MTA1: variants seen among roughly 807,000 people sequenced by gnomAD.
The protein encoded by MTA1 is metastasis-associated protein MTA1.
Under a neutral mutation model 97.0 loss-of-function variants are expected in MTA1, and 15 were observed. The ratio of observed to expected loss-of-function variants is 0.15; its 90% CI spans 0.10 to 0.24. The LOEUF (loss-of-function observed/expected upper bound fraction) is 0.24. MTA1 is among the 10% of genes least tolerant of loss of function. The pLI, the probability that MTA1 is intolerant of heterozygous loss-of-function variation, is 1.00. For synonymous variants in MTA1, 435 were observed against 417.5 expected (o/e 1.04, Z -0.51); for missense variants, 709 against 1,015.1 (o/e 0.70, Z 4.10).
chr14:105,449,686 C>G (rs1789649667), intron 4 of MTA1, among the ~76,000 whole-genome samples: 1 of 152,178 alleles, frequency 6.6e-6, no homozygotes, highest in African/African-American at 2.4e-5. Flanking sequence ...GGCGGCTGCC[C>G]CTCGCCCTCC....
rs587672354 is a variant in MTA1, at chr14:105,428,913, T to C, written c.28+8850T>C. 1.7e-4 allele frequency among the ~76,000 whole-genome samples: 26 copies of C among 152,122 alleles called. No individual in the cohort carries two copies. The South Asian group carries it at 5.4e-3, about 32-fold the overall frequency. On this transcript the variant is annotated intron_variant, in intron 1 of 20. Coordinates refer to ENST00000331320, the MANE Select transcript of MTA1 (RefSeq NM_004689.4). ...CTAGTTTTATTTATTTTTGTAGAGA[T>C]GGGGTCTCACTATGTTGCCCACACT...
At chr14:105,469,394 A>C (rs1287146312) in intron 18 of MTA1, 73 bp from the exon 19 acceptor site, 6 of 1,536,982 alleles carry the variant, frequency 3.9e-6, no homozygotes, top group Non-Finnish European at 5.4e-6. Flanking sequence ...AAGGTGGCTG[A>C]GGCCGTGGTG....
At chr14:105,468,466 C>G in intron 18 of MTA1, 2 of 985,066 alleles carry the variant, frequency 2.0e-6, no homozygotes, top group Non-Finnish European at 2.8e-6. Context: ...CCTGGGCCCC[C>G]ACCTGACCCT....
intron 18 of MTA1, 82 bp downstream of exon 18, chr14:105,466,824 G>A (rs957322723): frequency 1.4e-6 from 2 of 1,427,578 alleles, no homozygotes; most frequent in African/African-American, 1.4e-5. Context: ...CCCCGCGGCG[G>A]GCGGCCCAGG....
intron 3 of MTA1, 120 bp downstream of exon 3, chr14:105,445,631 A>T (rs2082692360): frequency 9.9e-7 from 1 of 1,006,316 alleles, no homozygotes; most frequent in Admixed American, 2.0e-5. Flanking sequence ...CCCTCTGCCC[A>T]ACTCACTCTG....
At chr14:105,435,544 T>A (rs2082302588) in intron 1 of MTA1, among the ~76,000 whole-genome samples, 1 of 152,214 alleles carries the variant, frequency 6.6e-6, no homozygotes, top group Admixed American at 6.5e-5. Context: ...TGATTTCTTG[T>A]GTGTCTTTGG....
Position 105,466,426 on chromosome 14 carries a change from A to AGGGGGGGGGGGGGGGGGGGGGG in MTA1, c.1626_1627insGGGGGGGGGGGGGGGGGGGGGG (p.Thr543GlyfsTer16). 1 of 1,484,222 alleles carries AGGGGGGGGGGGGGGGGGGGGGG rather than the reference A, an allele frequency of 6.7e-7. No homozygotes were observed. The highest frequency in any genetic ancestry group is 9.3e-7 in the Non-Finnish European group (1 of 1,071,322). The allele number at this position is 1,484,222 out of a possible 1,614,324, so 91.9% of individuals were successfully genotyped here. A position where few individuals can be genotyped will look rare whatever the true frequency, so the allele number is the denominator to read the frequency against. ...GTTCTGCCTGTGTCATTCCCGGCAGAGACCCACCCCCGCCCCCCCAAGCCT... is the reference window on the plus strand; with the variant it reads ...GTTCTGCCTGTGTCATTCCCGGCAGAGGGGGGGGGGGGGGGGGGGGGGGACCCACCCCCGCCCCCCCAAGCCT... On this transcript the variant is annotated frameshift_variant and splice_region_variant, in exon 17 of 21. Transcript: ENST00000331320. LOFTEE classifies it high-confidence loss of function.
At chr14:105,428,227 C>T (rs1348778871) in intron 1 of MTA1, among the ~76,000 whole-genome samples, 5 of 152,112 alleles carry the variant, frequency 3.3e-5, no homozygotes, top group Admixed American at 3.3e-4. Context: ...TCTGTTCCTG[C>T]CGTTTTGCCT....
At chr14:105,462,986 C>T (rs2083417737) in intron 10 of MTA1, among the ~76,000 whole-genome samples, 198 bp from the exon 11 acceptor site, 1 of 152,220 alleles carries the variant, frequency 6.6e-6, no homozygotes, top group Admixed American at 6.5e-5. Flanking sequence ...GTTTTGGCAT[C>T]TGGCGGGGGG....
Position 105,460,966 on chromosome 14 carries a change from G to C in MTA1, c.942+13G>C. ...TCAGCAAGATTTTGTGAGTACCGTG[G>C]GTGGCGATGGGGGAGTGGCTGGCCA... On this transcript the variant is annotated intron_variant, in intron 10 of 20. Transcript: ENST00000331320. 1 of 1,601,520 alleles carries C rather than the reference G, an allele frequency of 6.2e-7. No homozygotes were observed.
At chr14:105,423,865 C>T (rs2081928181) in intron 1 of MTA1, among the ~76,000 whole-genome samples, 1 of 152,272 alleles carries the variant, frequency 6.6e-6, no homozygotes. Context: ...TAGAGGGCTG[C>T]AGCCAGCGCC....
rs375694764 is a variant in MTA1, at chr14:105,445,539, G to A, written c.190+28G>A. 5.6e-5 allele frequency: 90 copies of A among 1,611,128 alleles called. No individual in the cohort carries two copies. The African/African-American group carries it at 8.1e-4, about 15-fold the overall frequency. On this transcript the variant is annotated intron_variant, in intron 3 of 20. Transcript: ENST00000331320. Reference sequence around the variant, plus strand: ...GAGTCCGGCCTTCCCTGGGGTGCCCGCCTGGCGGGAGGGTCGGCTGGGGAG... The same window carrying A: ...GAGTCCGGCCTTCCCTGGGGTGCCCACCTGGCGGGAGGGTCGGCTGGGGAG...
chr14:105,436,111 A>G (rs1555424330), intron 1 of MTA1, among the ~76,000 whole-genome samples: 1 of 152,222 alleles, frequency 6.6e-6, no homozygotes, highest in Non-Finnish European at 1.5e-5. Flanking sequence ...TCTACTAAAA[A>G]TACAAAAATT....
rs1305415588 is a variant in MTA1 at position 105,420,533 on chromosome 14, G to A, written c.28+470G>A. On this transcript the variant is annotated intron_variant, in intron 1 of 20. Coordinates refer to ENST00000331320, the MANE Select transcript of MTA1 (RefSeq NM_004689.4). The surrounding 1 kb of genome is among the most constrained non-coding windows in gnomAD (Gnocchi z 5.3). ...ATGGGGAGCCCCGGTGAGGGGCCACGTTCCTCCCTAGAGCCCTCCTGCAGC... is the reference window on the plus strand; with the variant it reads ...ATGGGGAGCCCCGGTGAGGGGCCACATTCCTCCCTAGAGCCCTCCTGCAGC... 1.3e-5 allele frequency among the ~76,000 whole-genome samples: 2 copies of A among 152,144 alleles called. No individual in the cohort carries two copies.
In MTA1 at chr14:105,470,503, C is replaced by T. The variant is rs950205945; in HGVS notation, c.*288C>T. ...GCTGCGGGGCCTTTTGCCCGGAGGC[C>T]GGGCCCTAAGGTTTTGTTGTGTTCT... On this transcript the variant is annotated 3_prime_UTR_variant, in exon 21 of 21. Coordinates refer to ENST00000331320, the MANE Select transcript of MTA1 (RefSeq NM_004689.4). 6 of 380,694 alleles carry T rather than the reference C, an allele frequency of 1.6e-5. No individual in the cohort carries two copies. The highest frequency in any genetic ancestry group is 9.5e-5 in the Admixed American group (2 of 21,060). The allele number at this position is 380,694 out of a possible 1,614,324, so 23.6% of individuals were successfully genotyped here. A position where few individuals can be genotyped will look rare whatever the true frequency, so the allele number is the denominator to read the frequency against.
chr14:105,431,510 A>G (rs1392515276), intron 1 of MTA1, among the ~76,000 whole-genome samples: 1 of 152,246 alleles, frequency 6.6e-6, no homozygotes, highest in Non-Finnish European at 1.5e-5. Context: ...GGCACAGAAA[A>G]GGGCTTGGTT....
chr14:105,434,981 T>C (rs1011544765), intron 1 of MTA1, among the ~76,000 whole-genome samples: 1 of 152,238 alleles, frequency 6.6e-6, no homozygotes, highest in Non-Finnish European at 1.5e-5. Context: ...TTCTTCCCAT[T>C]GTACTGGCTG....
At chr14:105,449,891 C>T (rs891818549) in intron 4 of MTA1, among the ~76,000 whole-genome samples, 167 bp from the exon 5 acceptor site, 2 of 152,144 alleles carry the variant, frequency 1.3e-5, no homozygotes, top group East Asian at 1.9e-4. Context: ...AAGGAGCCGC[C>T]GGGCCGCCAT....
At chr14:105,454,168 C>G (rs1457100535) in intron 6 of MTA1, 25 bp from the exon 7 acceptor site, 2 of 1,578,286 alleles carry the variant, frequency 1.3e-6, no homozygotes, top group Non-Finnish European at 1.7e-6. Flanking sequence ...GCTGACGCCT[C>G]TCTGTCTCCT....
Sources: allele counts gnomAD v4.1 joint callset (sites outside exome capture counted in the v4.1 genomes callset), GRCh38; gene constraint gnomAD v4.1.1; non-coding constraint Gnocchi (gnomAD v3.1); transcripts MANE v1.5; gene names NCBI Gene and HGNC (gene_info 2026-07-23, HGNC 2026-07-21).